The following MAP2 variants were observed in gnomAD, a reference collection of about 807,000 sequenced individuals.
The protein encoded by MAP2 is microtubule associated protein 2.
In MAP2, 14 loss-of-function variants were observed where a neutral mutation model predicts 137.6. The observed-to-expected ratio is 0.10, with a 90% CI of 0.07 to 0.16. The LOEUF is 0.16. Ranked by LOEUF, MAP2 falls within the 10% of genes least tolerant of loss-of-function variation. MAP2 has a pLI of 1.00. For synonymous variants in MAP2, 786 were observed against 782.3 expected (o/e 1.00, Z -0.08); for missense variants, 2,088 against 2,191.5 (o/e 0.95, Z 0.94).
rs1018760662 is a variant in MAP2 at position 209,487,352 on chromosome 2, G to GC, written c.-221-20238dup. Among the ~76,000 whole-genome samples the GC allele has an allele frequency of 4.6e-5, 7 of 152,270 alleles. 1 individual carries two copies. The Middle Eastern group carries it at 0.017, about 370-fold the overall frequency. ...CAGATTTGCTTTATTGTCAAGGATTGCCTATAGCTGTACATTCCTTTGAAA... is the reference window on the plus strand; with the variant it reads ...CAGATTTGCTTTATTGTCAAGGATTGCCCTATAGCTGTACATTCCTTTGAAA... On this transcript the variant is annotated intron_variant, in intron 1 of 15. Coordinates refer to ENST00000682079, the MANE Select transcript of MAP2 (RefSeq NM_001375505.1).
chr2:209,723,678 G>A (rs1337131678), intron 13 of MAP2: 5 of 1,613,458 alleles, frequency 3.1e-6, no homozygotes, highest in Non-Finnish European at 4.2e-6. Context: ...ATTCGGCTGG[G>A]GGCGGAAATG....
At chr2:209,523,756 G>T (rs1305386901) in intron 2 of MAP2, among the ~76,000 whole-genome samples, 1 of 152,142 alleles carries the variant, frequency 6.6e-6, no homozygotes, top group Non-Finnish European at 1.5e-5. Context: ...ATCAAAGATT[G>T]AAGTGCCCTA....
chr2:209,650,522 T>G (rs1048108237), intron 4 of MAP2, among the ~76,000 whole-genome samples: 3 of 152,110 alleles, frequency 2.0e-5, no homozygotes, highest in East Asian at 1.9e-4. Flanking sequence ...TGATTAGTAC[T>G]CATCAAAACT....
intron 1 of MAP2, among the ~76,000 whole-genome samples, chr2:209,488,294 C>G (rs1014628223): frequency 1.3e-5 from 2 of 152,170 alleles, no homozygotes; most frequent in African/African-American, 4.8e-5. Flanking sequence ...ACCTGTAGAC[C>G]AGGAGGTTGC....
chr2:209,497,119 A>G (rs1320524384), intron 1 of MAP2, among the ~76,000 whole-genome samples: 1 of 152,094 alleles, frequency 6.6e-6, no homozygotes, highest in African/African-American at 2.4e-5. Context: ...AAATACTGTT[A>G]TGGACTGAGT....
chr2:209,449,816 T>C (rs1277836819), intron 1 of MAP2, among the ~76,000 whole-genome samples: 1 of 152,196 alleles, frequency 6.6e-6, no homozygotes, highest in Non-Finnish European at 1.5e-5. Flanking sequence ...GTATTGAAGG[T>C]TAGTGACACT....
intron 3 of MAP2, among the ~76,000 whole-genome samples, chr2:209,598,462 T>G (rs1373945869): frequency 6.6e-6 from 1 of 151,712 alleles, no homozygotes; most frequent in Non-Finnish European, 1.5e-5. Context: ...TATTTTATTA[T>G]TATACTTTAA....
chr2:209,684,967 A>G (rs185401001), intron 7 of MAP2, among the ~76,000 whole-genome samples: 16 of 152,328 alleles, frequency 1.1e-4, no homozygotes, highest in Admixed American at 9.2e-4. Flanking sequence ...AGTACACTGA[A>G]GACACAGATG....
At chr2:209,505,562 C>T (rs1341614926) in intron 1 of MAP2, among the ~76,000 whole-genome samples, 2 of 152,286 alleles carry the variant, frequency 1.3e-5, no homozygotes, top group East Asian at 1.9e-4. Context: ...GCTGTAACAT[C>T]ATTGAAAGGA....
chr2:209,597,388 C>T (rs1487217733), intron 3 of MAP2, among the ~76,000 whole-genome samples: 1 of 152,050 alleles, frequency 6.6e-6, no homozygotes, highest in African/African-American at 2.4e-5. Context: ...AATCAGTTAC[C>T]AAGTTCTATT....
chr2:209,484,952 G>C (rs192250601), intron 1 of MAP2, among the ~76,000 whole-genome samples: 1 of 152,156 alleles, frequency 6.6e-6, no homozygotes, highest in Admixed American at 6.5e-5. Context: ...CATTGAAATC[G>C]GGCCGATAGA....
chr2:209,547,901 TAC>T (rs778394893), intron 2 of MAP2, among the ~76,000 whole-genome samples: 2 of 152,212 alleles, frequency 1.3e-5, no homozygotes, highest in Non-Finnish European at 2.9e-5. Context: ...GATGCTACAA[TAC>T]AGTCAGTCTT....
rs773367052 is a variant in MAP2 at position 209,695,808 on chromosome 2, C to T, written c.3638C>T (p.Thr1213Met). The change falls in exon 8 of 16, where the codon ACG becomes ATG. Residue 1213 changes from threonine (T) to methionine (M), a missense_variant. Physicochemically the swap from Thr to Met is moderately conservative, Grantham distance 81 (BLOSUM62 -1). Coordinates refer to ENST00000682079, the MANE Select transcript of MAP2 (RefSeq NM_001375505.1). ...AAAGAGACCCCAGATATATCCATCA[C>T]GCCTTCTGATGTTGCAGAGCCATTG... ...ESKETPDISI[T>M]PSDVAEPLHE... is the part of the protein sequence containing the mutation. The T allele has an allele frequency of 3.8e-5, 62 of 1,614,038 alleles. No homozygotes were observed. The Middle Eastern group carries it at 1.7e-3, about 43-fold the overall frequency.
chr2:209,648,080 T>C lies in MAP2; in HGVS notation c.-29-5062T>C, dbSNP rs150392102. Among the ~76,000 whole-genome samples the C allele has an allele frequency of 9.9e-5, 15 of 151,496 alleles. No individual in the cohort carries two copies. In the East Asian group the frequency reaches 2.9e-3, roughly 29 times the overall value. On this transcript the variant is annotated intron_variant, in intron 4 of 15. Coordinates refer to ENST00000682079, the MANE Select transcript of MAP2 (RefSeq NM_001375505.1). ...TCAAGTGTAATATCTCACCCTGATA[T>C]CAATAGATGTTTAAACGTCTTGGAT...
intron 3 of MAP2, among the ~76,000 whole-genome samples, chr2:209,622,684 T>C (rs1315762721): frequency 6.9e-6 from 1 of 144,332 alleles, no homozygotes; most frequent in African/African-American, 2.8e-5. Context: ...TTTATATGGG[T>C]ACAAAGGATC....
intron 1 of MAP2, among the ~76,000 whole-genome samples, chr2:209,461,927 G>A (rs1347720200): frequency 2.0e-5 from 3 of 151,544 alleles, no homozygotes; most frequent in Non-Finnish European, 2.9e-5. Flanking sequence ...CTAATCCATG[G>A]AATTTAATCC....
intron 7 of MAP2, among the ~76,000 whole-genome samples, chr2:209,685,373 G>A (rs912620336): frequency 6.6e-6 from 1 of 152,012 alleles, no homozygotes; most frequent in South Asian, 2.1e-4. Flanking sequence ...AGATGCACCT[G>A]CCATACACAA....
At chr2:209,723,933 A>G (rs2072666606) in intron 13 of MAP2, among the ~76,000 whole-genome samples, 3 of 152,152 alleles carry the variant, frequency 2.0e-5, no homozygotes. Flanking sequence ...GGGATGCACC[A>G]TGGTTTTCTG....
intron 1 of MAP2, among the ~76,000 whole-genome samples, chr2:209,495,092 C>T (rs780383719): frequency 2.1e-4 from 32 of 152,260 alleles, no homozygotes; most frequent in Non-Finnish European, 4.0e-4. Flanking sequence ...GGGCGGAGCC[C>T]AGCACAGTGC....
Sources: gnomAD v4.1 joint callset for allele counts (sites outside exome capture counted in the v4.1 genomes callset) on GRCh38, gnomAD v4.1.1 for gene constraint, MANE v1.5 for transcripts, NCBI Gene and HGNC (gene_info 2026-07-23, HGNC 2026-07-21) for gene names.